Variants in RNF4 observed in about 807,000 individuals in gnomAD.
RNF4 encodes E3 ubiquitin-protein ligase RNF4.
RNF4 carries 7 observed loss-of-function variants against 24.3 expected under a neutral mutation model. The observed-to-expected ratio is 0.29, with a 90% CI of 0.16 to 0.54. RNF4 has a LOEUF of 0.54. Among genes scored for constraint, RNF4 ranks in the 20% least tolerant of loss-of-function variants. RNF4 has a pLI of 0.95. For missense variants in RNF4, 209 were observed against 248.5 expected (o/e 0.84, Z 1.07); for synonymous variants, 83 against 84.3 (o/e 0.98, Z 0.09).
intron 3 of RNF4, chr4:2,499,528 A>C (rs989002574): frequency 7.5e-6 from 2 of 265,050 alleles, no homozygotes; most frequent in Non-Finnish European, 1.5e-5. Context: ...CGCCCACCTC[A>C]GCCTCCCAAA....
chr4:2,499,178 C>G (rs368767452), intron 3 of RNF4, among the ~76,000 whole-genome samples: 2 of 151,980 alleles, frequency 1.3e-5, no homozygotes, highest in East Asian at 3.9e-4. Context: ...GCCTGGACGA[C>G]AGAGCGAGAC....
At chr4:2,493,743 T>TAA (rs34740719) in intron 2 of RNF4, among the ~76,000 whole-genome samples, 17,038 of 87,764 alleles carry the variant, frequency 0.19, 1,603 homozygotes, top group Middle Eastern at 0.28. Context: ...GACTCCGTCT[T>TAA]AAAAAAAAAA....
Position 2,493,887 on chromosome 4 carries a change from G to A in RNF4, c.10-3120G>A, listed in dbSNP as rs1347448351. ...GACAGAGTCTTGCTCTGTCGCCCAG[G>A]CTGGAGTGCAGTGGATGCAATATTG... is the stretch of plus-strand genomic sequence containing the variant. On this transcript the variant is annotated intron_variant, in intron 2 of 7. Transcript: ENST00000314289. 4.0e-5 allele frequency among the ~76,000 whole-genome samples: 6 copies of A among 151,694 alleles called. No homozygotes were observed. The East Asian group carries it at 1.2e-3, about 29-fold the overall frequency.
intron 1 of RNF4, among the ~76,000 whole-genome samples, chr4:2,486,072 C>G (rs1406502720): frequency 6.6e-6 from 1 of 152,168 alleles, no homozygotes; most frequent in African/African-American, 2.4e-5. Context: ...AGTCTAGGCT[C>G]TGTTTACTAG....
In RNF4 at chr4:2,495,020, A is replaced by G. The variant is rs1223918379; in HGVS notation, c.10-1987A>G. Among the ~76,000 whole-genome samples the G allele has an allele frequency of 2.6e-5, 4 of 152,346 alleles. No individual in the cohort carries two copies. The East Asian group carries it at 7.7e-4, about 29-fold the overall frequency. Reference sequence around the variant, plus strand: ...GAGGAACCTCTACTTTACTTTTTACATAAGCAACCTGGTGGCTGCTGGGGA... The same window carrying G: ...GAGGAACCTCTACTTTACTTTTTACGTAAGCAACCTGGTGGCTGCTGGGGA... On this transcript the variant is annotated intron_variant, in intron 2 of 7. Transcript: ENST00000314289.
intron 1 of RNF4, among the ~76,000 whole-genome samples, chr4:2,470,272 C>G (rs557034143): frequency 6.3e-4 from 96 of 152,228 alleles, no homozygotes; most frequent in Non-Finnish European, 1.1e-3. Flanking sequence ...TTAAGTCCTA[C>G]CTGCAAGATT....
At chr4:2,471,301 C>T (rs1462558717) in intron 1 of RNF4, among the ~76,000 whole-genome samples, 1 of 152,108 alleles carries the variant, frequency 6.6e-6, no homozygotes, top group African/African-American at 2.4e-5. Flanking sequence ...GTTATAGTGA[C>T]CTGTGATCAA....
chr4:2,476,910 T>C (rs1735095808), intron 1 of RNF4, among the ~76,000 whole-genome samples: 2 of 151,326 alleles, frequency 1.3e-5, no homozygotes, highest in Non-Finnish European at 2.9e-5. Context: ...GCCTCCCGAG[T>C]AGCTGGGATT....
chr4:2,482,121 GTC>G (rs1350170107), intron 1 of RNF4, among the ~76,000 whole-genome samples: 5 of 152,182 alleles, frequency 3.3e-5, no homozygotes, highest in African/African-American at 1.2e-4. Flanking sequence ...AGAAGAACAT[GTC>G]TCTCTTTAGG....
At chr4:2,498,008 T>G (rs1735790905) in intron 3 of RNF4, among the ~76,000 whole-genome samples, 1 of 152,152 alleles carries the variant, frequency 6.6e-6, no homozygotes, top group East Asian at 1.9e-4. Flanking sequence ...GAAATGAAGT[T>G]CTCTATATGG....
rs539852460 is a variant in RNF4, at chr4:2,469,157, C to A, written c.-259C>A. 1 of 152,268 alleles carries A rather than the reference C, an allele frequency of 6.6e-6. No homozygotes were observed. The highest frequency in any genetic ancestry group is 1.5e-5 in the Non-Finnish European group (1 of 68,090). The allele number at this position is 152,268 out of a possible 1,614,324, so 9.4% of individuals were successfully genotyped here. Reference sequence around the variant, plus strand: ...GCGGCATCTTTCTCGAGGAGCTCTCCTGGGCGGCTGAAGAAGGAGCTTCTT... The same window carrying A: ...GCGGCATCTTTCTCGAGGAGCTCTCATGGGCGGCTGAAGAAGGAGCTTCTT... On this transcript the variant is annotated 5_prime_UTR_variant, in exon 1 of 8. The change creates a new upstream start codon in the 5' untranslated region. Transcript: ENST00000314289.
rs554718427 is a variant in RNF4 at position 2,496,729 on chromosome 4, G to T, written c.10-278G>T. 2.6e-5 allele frequency among the ~76,000 whole-genome samples: 4 copies of T among 152,240 alleles called. No homozygotes were observed. In the South Asian group the frequency reaches 8.3e-4, roughly 32 times the overall value. On this transcript the variant is annotated intron_variant, in intron 2 of 7. Coordinates refer to ENST00000314289, the MANE Select transcript of RNF4 (RefSeq NM_002938.5). ...CCACCTCAGCCTCCGAAAGTGCTGG[G>T]ATTACAGGTGTGAGCCACCATGCCC...
intron 1 of RNF4, among the ~76,000 whole-genome samples, chr4:2,470,672 C>G (rs1378473327): frequency 6.6e-6 from 1 of 152,200 alleles, no homozygotes; most frequent in Non-Finnish European, 1.5e-5. Context: ...AGATTTTTCA[C>G]TCTCCTCAAG....
chr4:2,484,040 T>G (rs2074870404), intron 1 of RNF4, among the ~76,000 whole-genome samples: 1 of 102,352 alleles, frequency 9.8e-6, no homozygotes, highest in African/African-American at 3.9e-5. Flanking sequence ...TTGTTCAGGC[T>G]GGTCTCGAAC....
At chr4:2,489,629 A>G (rs1735520821) in intron 1 of RNF4, among the ~76,000 whole-genome samples, 1 of 152,196 alleles carries the variant, frequency 6.6e-6, no homozygotes, top group Non-Finnish European at 1.5e-5. Context: ...GTGGGTGGCC[A>G]CAAGGGTCTT....
chr4:2,490,641 T>C, intron 2 of RNF4, 139 bp downstream of exon 2: 2 of 825,096 alleles, frequency 2.4e-6, no homozygotes, highest in Non-Finnish European at 3.8e-6. Flanking sequence ...GTATAGGAGC[T>C]TTCTGGTGGT....
At position 2,512,051 on chromosome 4, in the gene RNF4, C is replaced by A; in HGVS notation, c.214+86C>A. 7.5e-7 allele frequency: 1 copy of A among 1,326,664 alleles called. No homozygotes were observed. The highest frequency in any genetic ancestry group is 1.1e-6 in the Non-Finnish European group (1 of 941,856). The allele number at this position is 1,326,664 out of a possible 1,614,324, so 82.2% of individuals were successfully genotyped here. A position where few individuals can be genotyped will look rare whatever the true frequency, so the allele number is the denominator to read the frequency against. The stretch of plus-strand genomic sequence containing the variant: ...CGCGGTGCTGCAGGTCTTGCCAGAC[C>A]ATCCCCAAGGGCTTGGAGCGCTCCA... On this transcript the variant is annotated intron_variant, in intron 5 of 7. Coordinates refer to ENST00000314289, the MANE Select transcript of RNF4 (RefSeq NM_002938.5). The surrounding 1 kb of genome is among the most constrained non-coding windows in gnomAD (Gnocchi z 4.1).
At chr4:2,508,890 G>A (rs1342185393) in intron 4 of RNF4, among the ~76,000 whole-genome samples, 3 of 139,012 alleles carry the variant, frequency 2.2e-5, no homozygotes, top group Non-Finnish European at 4.6e-5. Flanking sequence ...GGGATTACAG[G>A]CATGATCCAC....
chr4:2,500,588 C>A, intron 3 of RNF4, 71 bp from the exon 4 acceptor site: 1 of 1,488,980 alleles, frequency 6.7e-7, no homozygotes, highest in Non-Finnish European at 9.2e-7. Context: ...AGCAGTCATA[C>A]TAAAGTGTAG....
Sources: allele counts gnomAD v4.1 joint callset (sites outside exome capture counted in the v4.1 genomes callset), GRCh38; gene constraint gnomAD v4.1.1; non-coding constraint Gnocchi (gnomAD v3.1); transcripts MANE v1.5; gene names NCBI Gene and HGNC (gene_info 2026-07-23, HGNC 2026-07-21).